Variants in TANGO2 observed in about 807,000 individuals in gnomAD.
TANGO2 encodes transport and Golgi organization protein 2 homolog.
Under a neutral mutation model 39.1 loss-of-function variants are expected in TANGO2, and 26 were observed. That is an observed-to-expected ratio of 0.67 (90% CI 0.49 to 0.92). The LOEUF (loss-of-function observed/expected upper bound fraction) is 0.92, where lower values mean the gene tolerates loss of function less well. TANGO2 is among the 40% of genes least tolerant of loss of function. TANGO2 has a pLI of 0.00. For missense variants in TANGO2, 326 were observed against 360.1 expected (o/e 0.91, Z 0.77); for synonymous variants, 131 against 144.5 (o/e 0.91, Z 0.67).
chr22:20,052,063 C>G (rs1041815710), intron 3 of TANGO2, among the ~76,000 whole-genome samples: 2 of 152,158 alleles, frequency 1.3e-5, no homozygotes, highest in African/African-American at 4.8e-5. Flanking sequence ...TAGTGAAGGG[C>G]CTGCCCTTTG....
At chr22:20,044,972 C>T (rs1176640757) in intron 3 of TANGO2, among the ~76,000 whole-genome samples, 1 of 152,172 alleles carries the variant, frequency 6.6e-6, no homozygotes, top group African/African-American at 2.4e-5. Flanking sequence ...ATGGTGGCAG[C>T]TGGTGCATGG....
At chr22:20,059,342 A>C (rs1434700266) in intron 6 of TANGO2, among the ~76,000 whole-genome samples, 1 of 152,188 alleles carries the variant, frequency 6.6e-6, no homozygotes, top group Non-Finnish European at 1.5e-5. Context: ...TGCTGCTCAC[A>C]GTGTGACCTC....
chr22:20,019,274 T>G (rs1309255533), upstream of TANGO2: 1 of 152,090 alleles, frequency 6.6e-6, no homozygotes, highest in Non-Finnish European at 1.5e-5. Context: ...TGGCAGCTGT[T>G]GAAATCAAAA....
At position 20,063,464 on chromosome 22, in the gene TANGO2, G is replaced by A. The variant is rs760030752; in HGVS notation, c.710+22G>A. ...CCAGGTATTGCAGCACCGTGGGTGC[G>A]CCACCTCCTATCCCATGTCCCACCT... On this transcript the variant is annotated intron_variant, in intron 8 of 8. Coordinates refer to ENST00000327374, the MANE Select transcript of TANGO2 (RefSeq NM_152906.7). 8.8e-6 allele frequency: 14 copies of A among 1,597,284 alleles called. No homozygotes were observed. In the South Asian group the frequency reaches 1.1e-4, roughly 13 times the overall value.
intron 3 of TANGO2, among the ~76,000 whole-genome samples, chr22:20,050,695 A>T (rs926600765): frequency 6.7e-6 from 1 of 149,660 alleles, no homozygotes; most frequent in Non-Finnish European, 1.5e-5. Context: ...TAAGGATTTT[A>T]AAAATGCTGT....
intron 8 of TANGO2, 60 bp downstream of exon 8, chr22:20,063,502 G>T: frequency 2.0e-6 from 3 of 1,467,860 alleles, no homozygotes; most frequent in Non-Finnish European, 2.8e-6. Context: ...CACGCTAGAG[G>T]GCCGGCAAAG....
chr22:20,056,977 C>T, intron 6 of TANGO2: 2 of 456,028 alleles, frequency 4.4e-6, no homozygotes, highest in Non-Finnish European at 8.8e-6. Flanking sequence ...CCACACCCCT[C>T]TGTGAGGGGG....
At chr22:20,022,115 T>C (rs890853974) in intron 1 of TANGO2, among the ~76,000 whole-genome samples, 2 of 152,256 alleles carry the variant, frequency 1.3e-5, no homozygotes, top group African/African-American at 2.4e-5. Flanking sequence ...GAAGGCTTTC[T>C]CACGCTAGCT....
intron 6 of TANGO2, among the ~76,000 whole-genome samples, chr22:20,060,164 C>A (rs13056712): frequency 6.6e-6 from 1 of 151,846 alleles, no homozygotes; most frequent in Non-Finnish European, 1.5e-5. Context: ...CCTGGCTAAA[C>A]CGGTGAAACC....
intron 3 of TANGO2, among the ~76,000 whole-genome samples, chr22:20,046,362 G>A (rs1366403382): frequency 1.3e-5 from 2 of 151,918 alleles, no homozygotes; most frequent in Non-Finnish European, 2.9e-5. Context: ...TGCACAAGCT[G>A]GTTTCAAAGT....
intron 8 of TANGO2, among the ~76,000 whole-genome samples, chr22:20,063,756 C>T (rs1276010651): frequency 6.6e-6 from 1 of 152,260 alleles, no homozygotes; most frequent in Non-Finnish European, 1.5e-5. Flanking sequence ...GCAGGCTGTA[C>T]CCTTGGGTGG....
chr22:20,021,268 C>T (rs1180504952), intron 1 of TANGO2, 22 bp downstream of exon 1: 1 of 152,354 alleles, frequency 6.6e-6, no homozygotes, highest in Non-Finnish European at 1.5e-5. Flanking sequence ...GGCCGCACTT[C>T]CTCACCCTGC....
chr22:20,051,649 C>T (rs185013500), intron 3 of TANGO2, among the ~76,000 whole-genome samples: 14 of 151,978 alleles, frequency 9.2e-5, no homozygotes, highest in South Asian at 2.1e-4. Flanking sequence ...CCCAGGAGTT[C>T]GAGACAAGCC....
chr22:20,041,970 G>A (rs372347853), intron 2 of TANGO2, among the ~76,000 whole-genome samples: 26 of 152,164 alleles, frequency 1.7e-4, no homozygotes, highest in African/African-American at 5.5e-4. Flanking sequence ...GTGCTCAGGG[G>A]GTCTTCAGCC....
rs71859063 is a variant in TANGO2 at position 20,034,206 on chromosome 22, C to CA, written c.-39-2545dup. Among the ~76,000 whole-genome samples the CA allele has an allele frequency of 8.7e-3, 1,319 of 151,636 alleles. 11 individuals carry two copies. The highest frequency in any genetic ancestry group is 0.022 in the African/African-American group (901 of 41,286). On this transcript the variant is annotated intron_variant, in intron 1 of 8. Coordinates refer to ENST00000327374, the MANE Select transcript of TANGO2 (RefSeq NM_152906.7). ...AGGAGCAAAAACAAAACAACAACAA[C>CA]AAAAAAAAACCGAGTTCCTTTTGCT... is the stretch of plus-strand genomic sequence containing the variant.
chr22:20,063,530 C>A, intron 8 of TANGO2, 88 bp downstream of exon 8: 1 of 1,186,022 alleles, frequency 8.4e-7, no homozygotes, highest in Non-Finnish European at 1.2e-6. Context: ...GTGCCCATAG[C>A]CAGAGCCAGG....
intron 3 of TANGO2, among the ~76,000 whole-genome samples, chr22:20,046,460 ATTTTTT>A (rs695718): frequency 2.0e-5 from 2 of 98,546 alleles, no homozygotes; most frequent in African/African-American, 4.3e-5. Flanking sequence ...AGGCTGGGTA[ATTTTTT>A]TTTTTTTTTT....
At chr22:20,064,090 C>G (rs1052261536) in intron 8 of TANGO2, among the ~76,000 whole-genome samples, 1 of 152,184 alleles carries the variant, frequency 6.6e-6, no homozygotes, top group African/African-American at 2.4e-5. Context: ...GCTGGCATGG[C>G]CTGGGCAGTG....
chr22:20,041,312 A>ATT (rs695364), intron 2 of TANGO2, among the ~76,000 whole-genome samples: 96 of 134,524 alleles, frequency 7.1e-4, no homozygotes, highest in Non-Finnish European at 8.6e-4. Context: ...CACCCGGCTA[A>ATT]TTTTTTTTTT....
Sources: gnomAD v4.1 joint callset for allele counts (sites outside exome capture counted in the v4.1 genomes callset) on GRCh38, gnomAD v4.1.1 for gene constraint, MANE v1.5 for transcripts, NCBI Gene and HGNC (gene_info 2026-07-23, HGNC 2026-07-21) for gene names.